The following GSG1L2 variants were observed in gnomAD, a reference collection of about 807,000 sequenced individuals.
GSG1L2 encodes GSG1 like 2.
A neutral mutation model predicts 9.0 loss-of-function variants in GSG1L2; 15 were observed. The observed-to-expected ratio is 1.67, with a 90% CI of 1.12 to 2.57. The LOEUF (loss-of-function observed/expected upper bound fraction) is 2.57. Ranked by LOEUF, GSG1L2 falls within the 30% of genes most tolerant of loss-of-function variation. The pLI, the probability that GSG1L2 is intolerant of heterozygous loss-of-function variation, is 0.00. For synonymous variants in GSG1L2, 127 were observed against 57.9 expected, an observed-to-expected ratio of 2.19 and a Z score of -5.41; for missense variants, 286 against 150.3, an observed-to-expected ratio of 1.90 and a Z score of -4.72.
In GSG1L2 at chr17:9,820,071, C is replaced by T. The variant is rs572782977; in HGVS notation, c.310+1691G>A. ...CGCCGTTGCAATCCAGCCTGGGCAA[C>T]GAGAGGGAAATTCCATCTCAAAATA... On this transcript the variant is annotated intron_variant, in intron 1 of 4. Transcript: ENST00000399363. This position sits in a 1 kb window ranked among gnomAD's most constrained non-coding sequence, Gnocchi z 4.9. 1.1e-4 allele frequency among the ~76,000 whole-genome samples: 16 copies of T among 151,692 alleles called. No homozygotes were observed. The highest frequency in any genetic ancestry group is 7.8e-4 in the East Asian group (4 of 5,112).
chr17:9,809,175 T>G (rs1217570114), intron 2 of GSG1L2, 193 bp from the exon 3 acceptor site: 2 of 577,522 alleles, frequency 3.5e-6, no homozygotes, highest in Non-Finnish European at 6.2e-6. Flanking sequence ...GAGACGGTTG[T>G]AGGGATTGCC....
Position 9,820,463 on chromosome 17 carries a change from T to C in GSG1L2, c.310+1299A>G, listed in dbSNP as rs895725546. 7.1e-6 allele frequency among the ~76,000 whole-genome samples: 1 copy of C among 140,784 alleles called. No individual in the cohort carries two copies. Among genetic ancestry groups the C allele is most frequent in the Admixed American group, 7.3e-5 (1 of 13,668 alleles). The allele number at this position is 140,784 out of a possible 152,430, so 92.4% of individuals were successfully genotyped here. On this transcript the variant is annotated intron_variant, in intron 1 of 4. Coordinates refer to ENST00000399363, the MANE Select transcript of GSG1L2 (RefSeq NM_001310219.2). This position sits in a 1 kb window ranked among gnomAD's most constrained non-coding sequence, Gnocchi z 4.9. ...AGACTCATAGGAAGATAGCACTCCCTGAGAAGCGAGGAACTGTGGAGGTCC... is the reference window on the plus strand; with the variant it reads ...AGACTCATAGGAAGATAGCACTCCCCGAGAAGCGAGGAACTGTGGAGGTCC...
At chr17:9,818,171 G>A (rs1056260128) in intron 1 of GSG1L2, among the ~76,000 whole-genome samples, 3 of 152,132 alleles carry the variant, frequency 2.0e-5, no homozygotes, top group Non-Finnish European at 4.4e-5. Context: ...CTGGCTGTTC[G>A]GGAAGCATAG....
Position 9,821,766 on chromosome 17 carries a change from A to G in GSG1L2, c.306T>C (p.Gly102=), listed in dbSNP as rs1470840067. The G allele has an allele frequency of 2.8e-6, 2 of 702,710 alleles. No individual in the cohort carries two copies. Among genetic ancestry groups the G allele is most frequent in the South Asian group, 1.5e-5 (1 of 67,586 alleles). 43.5% of individuals were successfully genotyped at this position (702,710 alleles called of 1,614,324 possible). Residue 102 remains glycine (G), a synonymous_variant, in exon 1 of 5, where the codon GGT becomes GGC. Transcript: ENST00000399363. ...GAATCTACAGGCTTTGCTCACCTTC[A>G]CCGTTGAGGCTCTCCTCGCAGGACT... ...LWQSCEESLN[G]EDEKCRSFRS...
intron 1 of GSG1L2, among the ~76,000 whole-genome samples, chr17:9,814,751 C>T (rs35313569): frequency 0.33 from 50,631 of 151,966 alleles, 8,680 homozygotes; most frequent in East Asian, 0.48. Context: ...CAAGCCAGCC[C>T]GAGGAAGTGG....
In GSG1L2 at chr17:9,821,978, A is replaced by G. The variant is rs2066592092; in HGVS notation, c.94T>C (p.Cys32Arg). The G allele has an allele frequency of 1.4e-6, 1 of 702,954 alleles. No individual in the cohort carries two copies. Among genetic ancestry groups the G allele is most frequent in the African/African-American group, 1.7e-5 (1 of 57,270 alleles). 43.5% of individuals were successfully genotyped at this position (702,954 alleles called of 1,614,324 possible). Residue 32 changes from cysteine (C) to arginine (R), a missense_variant, in exon 1 of 5, where the codon TGT becomes CGT. By Grantham distance (180) the Cys-to-Arg change is radical. Coordinates refer to ENST00000399363, the MANE Select transcript of GSG1L2 (RefSeq NM_001310219.2). ...SLTAVVSSHW[C>R]EGTRRVVKPL... ...TTCACCACCCGTCGGGTCCCCTCAC[A>G]CCAGTGGCTGCTGACCACGGCGGTG...
intron 2 of GSG1L2, 182 bp from the exon 3 acceptor site, chr17:9,809,164 A>T (rs537227995): frequency 5.4e-5 from 31 of 577,144 alleles, no homozygotes; most frequent in South Asian, 2.4e-4. Flanking sequence ...CAGGGCTGAA[A>T]GAGACGGTTG....
At chr17:9,816,928 G>GTGTGTATCTGTGTGTGTGTATC (rs139554657) in intron 1 of GSG1L2, among the ~76,000 whole-genome samples, 2 of 144,736 alleles carry the variant, frequency 1.4e-5, no homozygotes, top group South Asian at 4.3e-4. Flanking sequence ...GTGTGTGTGT[G>GTGTGTATCTGTGTGTGTGTATC]TGTGTGTGTG....
intron 4 of GSG1L2, among the ~76,000 whole-genome samples, chr17:9,806,172 T>C (rs1287456070): frequency 2.6e-5 from 4 of 152,198 alleles, no homozygotes; most frequent in Non-Finnish European, 1.5e-5. Context: ...TTTTTCCCCA[T>C]TGCCAATCAC....
intron 1 of GSG1L2, among the ~76,000 whole-genome samples, chr17:9,818,152 A>G (rs1047508174): frequency 1.3e-5 from 2 of 152,132 alleles, no homozygotes; most frequent in Non-Finnish European, 2.9e-5. Flanking sequence ...TAATTGGCTC[A>G]CGGTTCTGCT....
intron 1 of GSG1L2, among the ~76,000 whole-genome samples, chr17:9,813,949 T>TAA (rs2066549544): frequency 3.9e-5 from 6 of 151,994 alleles, no homozygotes; most frequent in African/African-American, 1.5e-4. Flanking sequence ...TTTTTCTGTT[T>TAA]TTTTTGACGG....
At chr17:9,813,476 G>A (rs568370985) in intron 1 of GSG1L2, among the ~76,000 whole-genome samples, 6 of 152,308 alleles carry the variant, frequency 3.9e-5, no homozygotes, top group South Asian at 2.1e-4. Flanking sequence ...CAGCCACAGC[G>A]GCCTCTGCAG....
At chr17:9,812,218 T>G (rs2066542008) in intron 1 of GSG1L2, among the ~76,000 whole-genome samples, 1 of 152,182 alleles carries the variant, frequency 6.6e-6, no homozygotes, top group African/African-American at 2.4e-5. Flanking sequence ...TGCTGGAAGA[T>G]TCCAGGAACA....
chr17:9,816,512 G>A (rs1476090921), intron 1 of GSG1L2, among the ~76,000 whole-genome samples: 1 of 136,458 alleles, frequency 7.3e-6, no homozygotes, highest in Non-Finnish European at 1.6e-5. Context: ...GCCTGTCTGT[G>A]TGTGCGTGTC....
At chr17:9,813,305 T>C (rs2066546438) in intron 1 of GSG1L2, among the ~76,000 whole-genome samples, 1 of 152,198 alleles carries the variant, frequency 6.6e-6, no homozygotes, top group Non-Finnish European at 1.5e-5. Context: ...GGTGATGATG[T>C]AACCATTTCC....
chr17:9,818,650 C>A (rs960725716), intron 1 of GSG1L2, among the ~76,000 whole-genome samples: 2 of 151,850 alleles, frequency 1.3e-5, no homozygotes, highest in Non-Finnish European at 2.9e-5. Flanking sequence ...GCCACCACGC[C>A]CTTTCCAACG....
At chr17:9,810,784 C>T (rs538417941) in intron 1 of GSG1L2, 166 bp from the exon 2 acceptor site, 2 of 608,568 alleles carry the variant, frequency 3.3e-6, no homozygotes, top group South Asian at 3.9e-5. Context: ...ATATAATCCA[C>T]CCTATTGGAC....
chr17:9,801,485 G>A lies in GSG1L2; in HGVS notation c.*901C>T, dbSNP rs1010441250. 1.3e-5 allele frequency among the ~76,000 whole-genome samples: 2 copies of A among 152,036 alleles called. No individual in the cohort carries two copies. The highest frequency in any genetic ancestry group is 4.8e-5 in the African/African-American group (2 of 41,378). ...TCTACCTCGGCCTCACAAAGTGCTGGGATTACAGGCGTGAGCCACTACACC... is the reference window on the plus strand; with the variant it reads ...TCTACCTCGGCCTCACAAAGTGCTGAGATTACAGGCGTGAGCCACTACACC... On this transcript the variant is annotated 3_prime_UTR_variant, in exon 5 of 5. Transcript: ENST00000399363.
At chr17:9,813,699 C>A (rs552117977) in intron 1 of GSG1L2, among the ~76,000 whole-genome samples, 37 of 152,192 alleles carry the variant, frequency 2.4e-4, no homozygotes, top group African/African-American at 8.9e-4. Context: ...TCGCCTCATC[C>A]GATCCCAACC....
Sources: allele counts gnomAD v4.1 joint callset (sites outside exome capture counted in the v4.1 genomes callset), GRCh38; gene constraint gnomAD v4.1.1; non-coding constraint Gnocchi (gnomAD v3.1); transcripts MANE v1.5; gene names NCBI Gene and HGNC (gene_info 2026-07-23, HGNC 2026-07-21).